KLK15: variants seen among roughly 807,000 people sequenced by gnomAD.
KLK15 encodes the protein kallikrein-15.
In KLK15, 19 loss-of-function variants were observed where a neutral mutation model predicts 21.1. That is an observed-to-expected ratio of 0.90 (90% confidence interval 0.63 to 1.32). The LOEUF (loss-of-function observed/expected upper bound fraction) is 1.32. Ranked by LOEUF, KLK15 falls within the 40% of genes most tolerant of loss-of-function variation. The pLI, the probability that KLK15 is intolerant of heterozygous loss-of-function variation, is 0.00. For missense variants in KLK15, 345 were observed against 348.6 expected (o/e 0.99, Z 0.08); for synonymous variants, 141 against 141.5 (o/e 1.00, Z 0.03).
Position 50,827,619 on chromosome 19 carries a change from C to T in KLK15, c.197+43G>A, listed in dbSNP as rs567161132. ...CCCCCAAATCTAGGAGCTCTTCCCC[C>T]CGAACCAGGCTCCCTCAGGACCCTG... On this transcript the variant is annotated intron_variant, in intron 2 of 4. Transcript: ENST00000598239. 137 of 1,591,370 alleles carry T rather than the reference C, an allele frequency of 8.6e-5. 4 individuals carry two copies. In the Middle Eastern group the frequency reaches 1.1e-3, roughly 13 times the overall value.
At chr19:50,827,904 C>T in intron 1 of KLK15, 89 bp from the exon 3 acceptor site, 2 of 1,250,116 alleles carry the variant, frequency 1.6e-6, no homozygotes, top group South Asian at 1.3e-5. Flanking sequence ...CTACTATATG[C>T]CTATGCCTTT....
chr19:50,827,889 C>T lies in KLK15; in HGVS notation c.44-74G>A, dbSNP rs951351631. 3 of 1,417,794 alleles carry T rather than the reference C, an allele frequency of 2.1e-6. No individual in the cohort carries two copies. The African/African-American group carries it at 4.2e-5, about 20-fold the overall frequency. The allele number at this position is 1,417,794 out of a possible 1,614,324, so 87.8% of individuals were successfully genotyped here. On this transcript the variant is annotated intron_variant, in intron 1 of 4. Coordinates refer to ENST00000598239, the Ensembl canonical transcript of KLK15. ...CTCCTACACCTTCCTTGCACCCTGC[C>T]CTAACTACTATATGCCTATGCCTTT...
intron 1 of KLK15, 147 bp downstream of exon 2, chr19:50,831,303 T>C: frequency 1.8e-6 from 1 of 561,920 alleles, no homozygotes. Flanking sequence ...GGTAAGGGCT[T>C]AGGGACATTG....
rs769256221 is a variant in KLK15, at chr19:50,826,761, G to A, written c.482-4C>T. ...TGCAACGTATCTGGGAGACTCACTG[G>A]GGAAGACAGTGGACTTGGAGCAGAT... On this transcript the variant is annotated splice_polypyrimidine_tract_variant and splice_region_variant and intron_variant, in intron 3 of 4. Transcript: ENST00000598239. 1 of 1,609,242 alleles carries A rather than the reference G, an allele frequency of 6.2e-7. No individual in the cohort carries two copies. Among genetic ancestry groups the A allele is most frequent in the Non-Finnish European group, 8.5e-7 (1 of 1,177,960 alleles).
At chr19:50,826,084 A>G in intron 4 of KLK15, 136 bp from the exon 6 acceptor site, 1 of 833,612 alleles carries the variant, frequency 1.2e-6, no homozygotes, top group Non-Finnish European at 1.8e-6. Flanking sequence ...AACTCAATAC[A>G]GCCCAGTTTA....
At chr19:50,825,770 G>C (rs758854205) in exon 5 of KLK15, 1 of 1,606,428 alleles carries the variant, frequency 6.2e-7, no homozygotes. Flanking sequence ...TGCTCAGTCA[G>C]GGGCACAGGA....
intron 1 of KLK15, among the ~76,000 whole-genome samples, chr19:50,828,838 G>A (rs931152970): frequency 1.3e-5 from 2 of 150,988 alleles, no homozygotes; most frequent in Non-Finnish European, 3.0e-5. Context: ...GCATGGTGGC[G>A]GGTGCCTGTA....
At chr19:50,827,158 G>A (rs1161919590) in exon 3 of KLK15, 1 of 1,579,044 alleles carries the variant, frequency 6.3e-7, no homozygotes, top group East Asian at 2.2e-5. Flanking sequence ...GCACTCTCAT[G>A]AAGCTGTGCG....
At chr19:50,831,615 A>C, upstream of KLK15, 1 of 728,026 alleles carries the variant, frequency 1.4e-6, no homozygotes, top group Non-Finnish European at 2.0e-6. Context: ...TCCACTGTTA[A>C]TAAATTTCTT....
At chr19:50,827,232 G>T in intron 2 of KLK15, 71 bp from the exon 4 acceptor site, 1 of 1,465,108 alleles carries the variant, frequency 6.8e-7, no homozygotes, top group Non-Finnish European at 9.1e-7. Context: ...AGGACAGAAA[G>T]ATCAAAGAGT....
chr19:50,830,683 C>T (rs1008403675), intron 1 of KLK15: 13 of 174,174 alleles, frequency 7.5e-5, no homozygotes, highest in African/African-American at 3.1e-4. Context: ...CCCAATTTCT[C>T]CAGAAGAGAG....
chr19:50,826,975 G>A (rs1444785115), exon 3 of KLK15: 1 of 1,606,608 alleles, frequency 6.2e-7, no homozygotes, highest in Non-Finnish European at 8.5e-7. Flanking sequence ...GGCAACGCGT[G>A]GGTAGCACCG....
At chr19:50,832,312 C>CT (rs922329048), upstream of KLK15, among the ~76,000 whole-genome samples, 4 of 101,174 alleles carry the variant, frequency 4.0e-5, no homozygotes, top group Admixed American at 1.1e-4. Context: ...CACTTTCTTT[C>CT]TTTTTTTTTC....
intron 4 of KLK15, 26 bp downstream of exon 5, chr19:50,826,595 G>A (rs200101467): frequency 1.9e-6 from 3 of 1,558,714 alleles, no homozygotes; most frequent in African/African-American, 1.4e-5. Context: ...CTCTTCTTCC[G>A]CCTGATGGCC....
chr19:50,825,776 C>T lies in KLK15; in HGVS notation c.*20G>A, dbSNP rs747587559. The T allele has an allele frequency of 1.9e-6, 3 of 1,608,968 alleles. No individual in the cohort carries two copies. The African/African-American group carries it at 4.0e-5, about 21-fold the overall frequency. On this transcript the variant is annotated 3_prime_UTR_variant, in exon 5 of 5. Coordinates refer to ENST00000598239, the Ensembl canonical transcript of KLK15. ...GGGGGCTTCTGCTCAGTCAGGGGCA[C>T]AGGAGATAGGCTAGAATAGTCAGTT...
Position 50,830,777 on chromosome 19 carries a change from T to C in KLK15, c.43+673A>G, listed in dbSNP as rs113309422. ...CTGACACCCAAGGTGACCTTGATGT[T>C]GTGGCCGTCCCTCTGAGCCACAGCC... On this transcript the variant is annotated intron_variant, in intron 1 of 4. Transcript: ENST00000598239. 5.1e-3 allele frequency among the ~76,000 whole-genome samples: 774 copies of C among 152,342 alleles called. 1 individual carries two copies. The highest frequency in any genetic ancestry group is 7.6e-3 in the Non-Finnish European group (519 of 68,030).
intron 1 of KLK15, 106 bp from the exon 3 acceptor site, chr19:50,827,921 A>C: frequency 2.0e-5 from 20 of 1,008,888 alleles, no homozygotes; most frequent in African/African-American, 3.5e-5. Flanking sequence ...CTTTCCCCTA[A>C]CTTCTCAAGA....
chr19:50,827,235 C>A, intron 2 of KLK15, 74 bp from the exon 4 acceptor site: 1 of 1,440,536 alleles, frequency 6.9e-7, no homozygotes, highest in South Asian at 1.3e-5. Context: ...ACAGAAAGAT[C>A]AAAGAGTGGG....
intron 4 of KLK15, 60 bp downstream of exon 5, chr19:50,826,561 G>A (rs753844532): frequency 5.9e-5 from 89 of 1,503,310 alleles, no homozygotes; most frequent in Middle Eastern, 1.8e-4. Context: ...AACCCCATCC[G>A]GACTCCCACA....
Sources: allele counts gnomAD v4.1 joint callset (sites outside exome capture counted in the v4.1 genomes callset), GRCh38; gene constraint gnomAD v4.1.1; transcripts MANE v1.5; gene names NCBI Gene and HGNC (gene_info 2026-07-23, HGNC 2026-07-21).